The following NHSL1 variants were observed in gnomAD, a reference collection of about 807,000 sequenced individuals.
NHSL1 encodes the protein NHS like 1.
Under a neutral mutation model 95.0 loss-of-function variants are expected in NHSL1, and 48 were observed. The ratio of observed to expected loss-of-function variants is 0.51; its 90% CI spans 0.40 to 0.64. The LOEUF (loss-of-function observed/expected upper bound fraction) is 0.64, where lower values mean the gene tolerates loss of function less well. Ranked by LOEUF, NHSL1 falls within the 30% of genes least tolerant of loss-of-function variation. The pLI is 0.00. For synonymous variants in NHSL1, 783 were observed against 833.9 expected, an observed-to-expected ratio of 0.94 and a Z score of 1.05; for missense variants, 1,971 against 2,077.7, an observed-to-expected ratio of 0.95 and a Z score of 1.00.
At chr6:138,674,790 G>T (rs1398520169) in intron 1 of NHSL1, among the ~76,000 whole-genome samples, 1 of 152,150 alleles carries the variant, frequency 6.6e-6, no homozygotes, top group African/African-American at 2.4e-5. Context: ...ATGCGTGCAT[G>T]TATATTTACA....
chr6:138,493,361 G>A (rs1161139871), intron 2 of NHSL1, among the ~76,000 whole-genome samples: 1 of 152,152 alleles, frequency 6.6e-6, no homozygotes, highest in Non-Finnish European at 1.5e-5. Flanking sequence ...TCAAGTTTAG[G>A]CAAAACCAGT....
At chr6:138,594,761 A>C (rs1257943399) in intron 1 of NHSL1, among the ~76,000 whole-genome samples, 2 of 152,224 alleles carry the variant, frequency 1.3e-5, no homozygotes, top group African/African-American at 4.8e-5. Context: ...ATGAGACCCC[A>C]AGTTTACAGA....
intron 1 of NHSL1, among the ~76,000 whole-genome samples, chr6:138,582,159 A>C (rs2114492463): frequency 6.6e-6 from 1 of 152,224 alleles, no homozygotes; most frequent in African/African-American, 2.4e-5. Flanking sequence ...AGCCTCCCAA[A>C]GTGCTGGGAT....
At chr6:138,453,555 T>C (rs1777380890) in intron 3 of NHSL1, among the ~76,000 whole-genome samples, 1 of 152,054 alleles carries the variant, frequency 6.6e-6, no homozygotes, top group Non-Finnish European at 1.5e-5. Context: ...TATTGTATTA[T>C]TATTTTTTTG....
intron 1 of NHSL1, among the ~76,000 whole-genome samples, chr6:138,602,795 C>T (rs1408849709): frequency 6.6e-6 from 1 of 152,118 alleles, no homozygotes; most frequent in Non-Finnish European, 1.5e-5. Flanking sequence ...ATATAGCATG[C>T]CTTTTGTTCT....
chr6:138,489,853 G>GGA (rs1202082058), intron 2 of NHSL1, among the ~76,000 whole-genome samples: 136 of 36,962 alleles, frequency 3.7e-3, no homozygotes, highest in Non-Finnish European at 5.6e-3. Flanking sequence ...AGGGAGAGAG[G>GGA]GAGAGAGAGA....
chr6:138,476,181 A>G (rs1415284854), intron 2 of NHSL1, among the ~76,000 whole-genome samples: 1 of 152,216 alleles, frequency 6.6e-6, no homozygotes, highest in Non-Finnish European at 1.5e-5. Context: ...TATAGAAAAA[A>G]GATACCTGCA....
intron 1 of NHSL1, among the ~76,000 whole-genome samples, chr6:138,526,454 C>T (rs1482542275): frequency 1.3e-5 from 2 of 152,196 alleles, no homozygotes; most frequent in African/African-American, 4.8e-5. Context: ...GCACTCCAGC[C>T]TGGGTGATAG....
chr6:138,494,649 G>T (rs1231931641), intron 2 of NHSL1, among the ~76,000 whole-genome samples: 10 of 151,984 alleles, frequency 6.6e-5, no homozygotes, highest in African/African-American at 2.4e-4. Context: ...GATTTTCCTT[G>T]AATCAATGAC....
chr6:138,599,412 T>C (rs1025679638), intron 1 of NHSL1, among the ~76,000 whole-genome samples: 4 of 152,102 alleles, frequency 2.6e-5, no homozygotes, highest in Non-Finnish European at 5.9e-5. Flanking sequence ...CTTGGGAGGC[T>C]GAGGCAGGAG....
In NHSL1 at chr6:138,639,401, G is replaced by A. The variant is rs556080719; in HGVS notation, c.96+53075C>T. Among the ~76,000 whole-genome samples the A allele has an allele frequency of 2.4e-3, 358 of 152,014 alleles. 1 individual carries two copies. Among genetic ancestry groups the A allele is most frequent in the African/African-American group, 7.7e-3 (319 of 41,472 alleles). On this transcript the variant is annotated intron_variant, in intron 1 of 3. Transcript: ENST00000491526. ...CGCCTGTAATCCCAGCACTTTGGGC[G>A]GCCGAGGTAGGTGGATCACGAGGTC...
chr6:138,586,765 C>T (rs1234774465), intron 1 of NHSL1, among the ~76,000 whole-genome samples: 8 of 152,146 alleles, frequency 5.3e-5, no homozygotes, highest in African/African-American at 1.7e-4. Context: ...GATCCAGAGC[C>T]AAGCACAGGG....
At chr6:138,670,140 A>AAATC (rs897588024) in intron 1 of NHSL1, among the ~76,000 whole-genome samples, 4 of 151,706 alleles carry the variant, frequency 2.6e-5, no homozygotes, top group South Asian at 2.1e-4. Flanking sequence ...AATAAAAATA[A>AAATC]AATCAATCAA....
intron 1 of NHSL1, among the ~76,000 whole-genome samples, chr6:138,599,441 G>A (rs1784344017): frequency 6.6e-6 from 1 of 152,158 alleles, no homozygotes; most frequent in Non-Finnish European, 1.5e-5. Context: ...GAATGCAGGA[G>A]ACTGAGGCTG....
At chr6:138,593,085 C>G (rs1318827170) in intron 1 of NHSL1, among the ~76,000 whole-genome samples, 1 of 152,188 alleles carries the variant, frequency 6.6e-6, no homozygotes, top group Non-Finnish European at 1.5e-5. Context: ...AACATACACA[C>G]CCACTTCCAC....
chr6:138,438,352 A>ATT (rs993579553), intron 5 of NHSL1, among the ~76,000 whole-genome samples: 8 of 151,370 alleles, frequency 5.3e-5, no homozygotes, highest in African/African-American at 1.9e-4. Flanking sequence ...TACACTGTAC[A>ATT]TTTTTTTTTA....
At chr6:138,518,479 T>TC (rs1263697647) in intron 1 of NHSL1, among the ~76,000 whole-genome samples, 1 of 145,530 alleles carries the variant, frequency 6.9e-6, no homozygotes, top group African/African-American at 2.5e-5. Flanking sequence ...AGGAATGATT[T>TC]TTTTTTTTTT....
intron 1 of NHSL1, among the ~76,000 whole-genome samples, chr6:138,607,329 T>C (rs1784448272): frequency 1.3e-5 from 2 of 152,194 alleles, no homozygotes; most frequent in African/African-American, 2.4e-5. Flanking sequence ...TATTTCTAAA[T>C]ATACTATCAT....
At chr6:138,557,731 A>G (rs1484519332) in intron 1 of NHSL1, among the ~76,000 whole-genome samples, 2 of 152,200 alleles carry the variant, frequency 1.3e-5, no homozygotes, top group Non-Finnish European at 2.9e-5. Context: ...AGTCACGAGA[A>G]GTGGATTCAA....
Sources: allele counts gnomAD v4.1 joint callset (sites outside exome capture counted in the v4.1 genomes callset), GRCh38; gene constraint gnomAD v4.1.1; transcripts MANE v1.5; gene names NCBI Gene and HGNC (gene_info 2026-07-23, HGNC 2026-07-21).